Variants in TBX3 observed in about 807,000 individuals in gnomAD.
TBX3 encodes the protein T-box transcription factor TBX3.
TBX3 carries 11 observed loss-of-function variants against 47.8 expected under a neutral mutation model. The ratio of observed to expected loss-of-function variants is 0.23; its 90% CI spans 0.14 to 0.38. The LOEUF (loss-of-function observed/expected upper bound fraction) is 0.38, where lower values mean the gene tolerates loss of function less well. Ranked by LOEUF, TBX3 falls within the 10% of genes least tolerant of loss-of-function variation. The pLI is 1.00. For synonymous variants in TBX3, 500 were observed against 449.3 expected (o/e 1.11, Z -1.43); for missense variants, 927 against 1,022.8 (o/e 0.91, Z 1.28).
rs750675454 is a variant in TBX3, at chr12:114,674,785, C to T, written c.1090G>A (p.Glu364Lys). The change falls in exon 6 of 7, where the codon GAG becomes AAG. Residue 364 changes from glutamate to lysine, a missense_variant. This residue lies in a region of TBX3 where 623 missense variants were observed against 569.0 expected (regional missense o/e 1.09). Transcript: ENST00000349155. The part of the protein sequence containing the change: ...ESDAEAESKE[E>K]HGPEACDAAK... ...GCGTCGCAGGCCTCGGGGCCATGCT[C>T]CTCTTTGCTCTCGGCCTCGGCGTCG... 2 of 1,586,094 alleles carry T rather than the reference C, an allele frequency of 1.3e-6. No individual in the cohort carries two copies. The highest frequency in any genetic ancestry group is 8.5e-7 in the Non-Finnish European group (1 of 1,171,400).
In TBX3 at chr12:114,676,441, A is replaced by T; in HGVS notation, c.911T>A (p.Val304Glu). Residue 304 changes from valine (V) to glutamate (E), a missense_variant, in exon 5 of 7, where the codon GTG becomes GAG. Around this residue, in one of 5 missense-constraint regions of TBX3, gnomAD observed 44 missense variants for 59.3 expected, o/e 0.74. Coordinates refer to ENST00000349155, the MANE Select transcript of TBX3 (RefSeq NM_005996.4). ...RKQLTLQSMRVFDERHKKENG... is the reference protein window; with the variant it reads ...RKQLTLQSMREFDERHKKENG... Reference sequence around the variant, plus strand: ...CTCCTTTTTGTGTCTTTCATCAAACACCCTCATGGACTGCAGGGTGAGCTG... The same window carrying T: ...CTCCTTTTTGTGTCTTTCATCAAACTCCCTCATGGACTGCAGGGTGAGCTG... 3 of 1,614,016 alleles carry T rather than the reference A, an allele frequency of 1.9e-6. No individual in the cohort carries two copies. In the South Asian group the frequency reaches 3.3e-5, roughly 18 times the overall value.
Position 114,682,907 on chromosome 12 carries a change from C to T in TBX3, c.294G>A (p.Glu98=), listed in dbSNP as rs1214340068. Residue 98 remains glutamate (E), a synonymous_variant, in exon 1 of 7, where the codon GAG becomes GAA. Transcript: ENST00000349155. ...RPLKTMEPEE[E]VEDDPKVHLE... ...GGTGCACCTTGGGGTCGTCCTCCACCTCTTCTTCGGGCTCCATGGTCTTCA... is the reference window on the plus strand; with the variant it reads ...GGTGCACCTTGGGGTCGTCCTCCACTTCTTCTTCGGGCTCCATGGTCTTCA... 1.2e-6 allele frequency: 2 copies of T among 1,614,208 alleles called. No homozygotes were observed. The highest frequency in any genetic ancestry group is 1.7e-5 in the Admixed American group (1 of 60,032).
In TBX3 at chr12:114,674,749, A is replaced by T. The variant is rs78115331; in HGVS notation, c.1126T>A (p.Ser376Thr). Residue 376 changes from serine to threonine, a missense_variant, in exon 6 of 7, where the codon TCC (serine) becomes ACC (threonine). By Grantham distance (58) the Ser-to-Thr change is moderately conservative. Coordinates refer to ENST00000349155, the MANE Select transcript of TBX3 (RefSeq NM_005996.4). ...CAGGGCTCCTCCGACGTGGTGGTGG[A>T]GATCTTGGCCGCGTCGCAGGCCTCG... is the stretch of plus-strand genomic sequence containing the variant. ...GPEACDAAKI[S>T]TTTSEEPCRD... The T allele has an allele frequency of 5.4e-3, 8,637 of 1,594,768 alleles. 368 individuals are homozygous for T. In the African/African-American group the frequency reaches 0.096, roughly 18 times the overall value.
Position 114,672,417 on chromosome 12 carries a change from C to CTGT in TBX3, c.1711-118_1711-116dup, listed in dbSNP as rs904587466. On this transcript the variant is annotated intron_variant, in intron 6 of 6. Transcript: ENST00000349155. The stretch of plus-strand genomic sequence containing the variant: ...GCAAGCCATGAATCCCTGGTATGTT[C>CTGT]TGTTGTTGTTGTTGTTGTGTTTTTT... 1.2e-5 allele frequency: 9 copies of CTGT among 744,712 alleles called. No homozygotes were observed. In the Admixed American group the frequency reaches 2.1e-4, roughly 17 times the overall value. 46.1% of individuals were successfully genotyped at this position (744,712 alleles called of 1,614,324 possible).
intron 4 of TBX3, among the ~76,000 whole-genome samples, 159 bp from the exon 5 acceptor site, chr12:114,676,629 C>A (rs1868722742): frequency 6.6e-6 from 1 of 152,230 alleles, no homozygotes; most frequent in African/African-American, 2.4e-5. Flanking sequence ...AGGGCAGCCA[C>A]ATAGACCCAA....
chr12:114,683,343 G>C lies in TBX3; in HGVS notation c.-143C>G. 17 of 1,180,268 alleles carry C rather than the reference G, an allele frequency of 1.4e-5. No individual in the cohort carries two copies. Among genetic ancestry groups the C allele is most frequent in the Non-Finnish European group, 2.0e-5 (17 of 852,538 alleles). 73.1% of individuals were successfully genotyped at this position (1,180,268 alleles called of 1,614,324 possible). A position where few individuals can be genotyped will look rare whatever the true frequency, so the allele number is the denominator to read the frequency against. ...ACAAAAAAGAAAGAAAAAAGAAAAG[G>C]AGGCAGAAATCACAACTAATGCACT... On this transcript the variant is annotated 5_prime_UTR_variant, in exon 1 of 7. Transcript: ENST00000349155. The surrounding 1 kb of genome is among the most constrained non-coding windows in gnomAD (Gnocchi z 7.7).
At chr12:114,676,787 G>A (rs1248297803) in intron 4 of TBX3, among the ~76,000 whole-genome samples, 1 of 152,224 alleles carries the variant, frequency 6.6e-6, no homozygotes, top group African/African-American at 2.4e-5. Flanking sequence ...AAAAGCAGGA[G>A]AAGAGGCTGG....
chr12:114,681,653 G>A (rs116046349), intron 1 of TBX3, among the ~76,000 whole-genome samples: 64 of 152,272 alleles, frequency 4.2e-4, no homozygotes, highest in African/African-American at 1.5e-3. Flanking sequence ...TAGCAATCCC[G>A]CTGTGGGCGA....
At position 114,680,148 on chromosome 12, in the gene TBX3, A is replaced by G. The variant is rs1388091567; in HGVS notation, c.658-497T>C. 3 of 673,136 alleles carry G rather than the reference A, an allele frequency of 4.5e-6. No homozygotes were observed. In the African/African-American group the frequency reaches 5.4e-5, roughly 12 times the overall value. The allele number at this position is 673,136 out of a possible 1,614,324, so 41.7% of individuals were successfully genotyped here. On this transcript the variant is annotated intron_variant, in intron 2 of 6. Transcript: ENST00000349155. Reference sequence around the variant, plus strand: ...AATGCAATTCCTGCCCGCTGAAGATATTTCCGCGCCATTCGCGTCTTCCTG... The same window carrying G: ...AATGCAATTCCTGCCCGCTGAAGATGTTTCCGCGCCATTCGCGTCTTCCTG...
intron 5 of TBX3, 122 bp downstream of exon 5, chr12:114,676,191 G>T: frequency 7.8e-7 from 1 of 1,284,098 alleles, no homozygotes; most frequent in East Asian, 2.4e-5. Flanking sequence ...TTCTGTTTAA[G>T]GATGTTTAGA....
chr12:114,675,726 A>G (rs1201195809), intron 5 of TBX3, among the ~76,000 whole-genome samples: 1 of 147,788 alleles, frequency 6.8e-6, no homozygotes, highest in Non-Finnish European at 1.5e-5. Context: ...CTGAGGGGGG[A>G]TTTGAGCCAT....
At chr12:114,680,004 T>C in intron 2 of TBX3, 1 of 1,611,622 alleles carries the variant, frequency 6.2e-7, no homozygotes, top group Non-Finnish European at 8.5e-7. Context: ...TGCATTTTAA[T>C]TTACAAAATG....
chr12:114,672,312 G>C lies in TBX3; in HGVS notation c.1711-10C>G. 1 of 1,532,244 alleles carries C rather than the reference G, an allele frequency of 6.5e-7. No individual in the cohort carries two copies. The highest frequency in any genetic ancestry group is 8.8e-7 in the Non-Finnish European group (1 of 1,142,524). The allele number at this position is 1,532,244 out of a possible 1,614,324, so 94.9% of individuals were successfully genotyped here. ...GGGACATGGCCAGGCCCTGGGGTGAGAAAAGAGACACACAGCGAGTCAGCC... is the reference window on the plus strand; with the variant it reads ...GGGACATGGCCAGGCCCTGGGGTGACAAAAGAGACACACAGCGAGTCAGCC... On this transcript the variant is annotated splice_polypyrimidine_tract_variant and intron_variant, in intron 6 of 6. Coordinates refer to ENST00000349155, the MANE Select transcript of TBX3 (RefSeq NM_005996.4).
Position 114,674,166 on chromosome 12 carries a change from TGA to T in TBX3, c.1707_1708del (p.Gln570GlyfsTer101). ...GGAGGCAGGAAGAAGGATCCATACC[TGA>T]GAGGCCAGGACGTGCTGCTGGAGGT... is the stretch of plus-strand genomic sequence containing the variant. On this transcript the variant is annotated frameshift_variant and splice_region_variant, in exon 6 of 7. Transcript: ENST00000349155. LOFTEE classifies it high-confidence loss of function. 6.3e-7 allele frequency: 1 copy of T among 1,582,000 alleles called. No individual in the cohort carries two copies. The highest frequency in any genetic ancestry group is 8.6e-7 in the Non-Finnish European group (1 of 1,166,004).
chr12:114,679,405 C>CTCGT, intron 3 of TBX3, 100 bp downstream of exon 3: 1 of 1,524,940 alleles, frequency 6.6e-7, no homozygotes, highest in African/African-American at 1.4e-5. Flanking sequence ...ACTCAAGACT[C>CTCGT]TCGTCTCCAC....
chr12:114,681,470 A>G (rs1004510834), intron 1 of TBX3, among the ~76,000 whole-genome samples: 6 of 152,208 alleles, frequency 3.9e-5, no homozygotes, highest in Non-Finnish European at 4.4e-5. Flanking sequence ...CCCTCCTGAG[A>G]GCAAATTCTT....
Position 114,674,392 on chromosome 12 carries a change from C to T in TBX3, c.1483G>A (p.Gly495Arg), listed in dbSNP as rs1226242461. 6.4e-7 allele frequency: 1 copy of T among 1,552,146 alleles called. No homozygotes were observed. The highest frequency in any genetic ancestry group is 8.7e-7 in the Non-Finnish European group (1 of 1,148,162). ...CTGGGGTGCAGGAAGAGCGGGTGCC[C>T]GTTGAAGAACTGTTGGCCCGCCAGG... is the stretch of plus-strand genomic sequence containing the variant. ...PGLAGQQFFN[G>R]HPLFLHPSQF... The change falls in exon 6 of 7, where the codon GGG becomes AGG. Residue 495 changes from glycine to arginine, a missense_variant. Coordinates refer to ENST00000349155, the MANE Select transcript of TBX3 (RefSeq NM_005996.4).
chr12:114,676,567 A>T (rs1425237376), intron 4 of TBX3, 97 bp from the exon 5 acceptor site: 6 of 1,492,152 alleles, frequency 4.0e-6, no homozygotes, highest in Non-Finnish European at 5.5e-6. Flanking sequence ...CATACCTCAC[A>T]CCCTGCCTGC....
At chr12:114,680,145 G>C (rs1868864794) in intron 2 of TBX3, 7 of 684,022 alleles carry the variant, frequency 1.0e-5, no homozygotes, top group Non-Finnish European at 1.5e-5. Flanking sequence ...GCCCGCTGAA[G>C]ATATTTCCGC....
Sources: allele counts gnomAD v4.1 joint callset (sites outside exome capture counted in the v4.1 genomes callset), GRCh38; gene constraint gnomAD v4.1.1; regional missense constraint gnomAD v4.1.1; non-coding constraint Gnocchi (gnomAD v3.1); transcripts MANE v1.5; gene names NCBI Gene and HGNC (gene_info 2026-07-23, HGNC 2026-07-21).